SLC35D1: variants seen among roughly 807,000 people sequenced by gnomAD.
The protein encoded by SLC35D1 is nucleotide sugar transporter SLC35D1.
A neutral mutation model predicts 46.7 loss-of-function variants in SLC35D1; 31 were observed. That is an observed-to-expected ratio of 0.66 (90% CI 0.50 to 0.90). The LOEUF is 0.90. SLC35D1 is among the 40% of genes least tolerant of loss of function. SLC35D1 has a pLI of 0.00. For synonymous variants in SLC35D1, 195 were observed against 164.6 expected (o/e 1.18, Z -1.41); for missense variants, 397 against 426.2 (o/e 0.93, Z 0.60).
At chr1:67,035,071 G>A (rs1191654196) in intron 8 of SLC35D1, among the ~76,000 whole-genome samples, 4 of 152,020 alleles carry the variant, frequency 2.6e-5, no homozygotes, top group African/African-American at 9.7e-5. Flanking sequence ...TGGTTTGCTA[G>A]TATTTTTGTT....
intron 10 of SLC35D1, among the ~76,000 whole-genome samples, chr1:67,015,425 T>C (rs1435749466): frequency 6.6e-6 from 1 of 152,118 alleles, no homozygotes; most frequent in African/African-American, 2.4e-5. Flanking sequence ...GATCTCACTC[T>C]GTTGCCCAGG....
At chr1:66,983,797 G>T in the SLC35D1 span, among the ~76,000 whole-genome samples, 23 of 152,024 alleles carry the variant, frequency 1.5e-4, no homozygotes, top group Admixed American at 9.2e-4. Context: ...GCACAATCTC[G>T]GCTCACTGCA....
intron 10 of SLC35D1, among the ~76,000 whole-genome samples, chr1:67,012,043 C>T (rs1324690211): frequency 2.6e-5 from 4 of 152,190 alleles, no homozygotes; most frequent in Non-Finnish European, 5.9e-5. Context: ...CTCTTGGTCT[C>T]TGCCATCTGG....
intron 7 of SLC35D1, among the ~76,000 whole-genome samples, chr1:67,046,739 T>C (rs932317560): frequency 2.0e-5 from 3 of 152,196 alleles, no homozygotes; most frequent in Non-Finnish European, 4.4e-5. Flanking sequence ...ATTTAAAGTA[T>C]ATAGTAAACA....
intron 7 of SLC35D1, among the ~76,000 whole-genome samples, chr1:67,046,848 G>A (rs1645257109): frequency 1.3e-5 from 2 of 152,094 alleles, no homozygotes. Flanking sequence ...ATTATTTATA[G>A]GGCAAATACA....
chr1:67,051,140 T>C (rs1434439643), intron 4 of SLC35D1, among the ~76,000 whole-genome samples: 1 of 152,130 alleles, frequency 6.6e-6, no homozygotes, highest in African/African-American at 2.4e-5. Context: ...TGGTGGGTAA[T>C]GAAATGGAAA....
chr1:66,994,636 T>C (rs893477051), downstream of SLC35D1, among the ~76,000 whole-genome samples: 6 of 145,100 alleles, frequency 4.1e-5, no homozygotes, highest in East Asian at 7.8e-4. Flanking sequence ...AGAGCGAGAC[T>C]CTGTCTCAAA....
chr1:66,985,837 TA>T, the SLC35D1 span: 152 of 630,244 alleles, frequency 2.4e-4, no homozygotes, highest in African/African-American at 4.7e-4. Flanking sequence ...TTTTTTTTTT[TA>T]AATTTCTACT....
intron 7 of SLC35D1, among the ~76,000 whole-genome samples, chr1:67,046,804 G>C (rs1645256699): frequency 6.6e-6 from 1 of 152,166 alleles, no homozygotes; most frequent in Non-Finnish European, 1.5e-5. Flanking sequence ...GCCCCTAAGA[G>C]AGACAGAGAT....
chr1:67,033,201 T>A (rs1300949035), intron 8 of SLC35D1, among the ~76,000 whole-genome samples: 1 of 152,132 alleles, frequency 6.6e-6, no homozygotes, highest in Non-Finnish European at 1.5e-5. Flanking sequence ...AAAATAGGGG[T>A]ATCTCCTCAA....
At chr1:66,985,511 T>C in the SLC35D1 span, 2 of 984,058 alleles carry the variant, frequency 2.0e-6, no homozygotes, top group Non-Finnish European at 2.4e-6. Flanking sequence ...ATCAATGATG[T>C]CTTTCCATAT....
chr1:67,026,995 T>C (rs1328853796), intron 8 of SLC35D1, among the ~76,000 whole-genome samples: 1 of 152,076 alleles, frequency 6.6e-6, no homozygotes, highest in East Asian at 1.9e-4. Flanking sequence ...CCACGACACA[T>C]GGGGAATATG....
chr1:67,039,294 CTA>C (rs1431792830), intron 8 of SLC35D1, among the ~76,000 whole-genome samples: 2 of 152,158 alleles, frequency 1.3e-5, no homozygotes, highest in Non-Finnish European at 2.9e-5. Context: ...TATATAAAAA[CTA>C]TCTTTTCCTT....
the SLC35D1 span, chr1:66,986,529 T>C: frequency 7.6e-7 from 1 of 1,317,286 alleles, no homozygotes; most frequent in Non-Finnish European, 1.1e-6. Flanking sequence ...TGAGTGAAGG[T>C]TTGCACTGAG....
chr1:66,998,711 G>A (rs4582760), downstream of SLC35D1, among the ~76,000 whole-genome samples: 63,914 of 152,018 alleles, frequency 0.42, 15,615 homozygotes, highest in African/African-American at 0.68. Flanking sequence ...CATCAAGGGC[G>A]TTATGCTATG....
At position 67,017,286 on chromosome 1, in the gene SLC35D1, T is replaced by G. The variant is rs112708199; in HGVS notation, c.876+3083A>C. 3.7e-3 allele frequency among the ~76,000 whole-genome samples: 565 copies of G among 152,268 alleles called. 6 individuals are homozygous for G. Among genetic ancestry groups the G allele is most frequent in the African/African-American group, 0.012 (481 of 41,570 alleles). The stretch of plus-strand genomic sequence containing the variant: ...GGGAGACTAGAAGAAAAAAATCATG[T>G]TTCAAATAAAACTATAGCACATCTG... On this transcript the variant is annotated intron_variant, in intron 10 of 11. Coordinates refer to ENST00000235345, the MANE Select transcript of SLC35D1 (RefSeq NM_015139.3).
chr1:66,996,803 C>T (rs1440093553), downstream of SLC35D1, among the ~76,000 whole-genome samples: 1 of 152,100 alleles, frequency 6.6e-6, no homozygotes, highest in East Asian at 1.9e-4. Flanking sequence ...AGACAAGAAG[C>T]TATCAAAAAG....
At chr1:67,038,399 T>C (rs1668167800) in intron 8 of SLC35D1, among the ~76,000 whole-genome samples, 1 of 152,292 alleles carries the variant, frequency 6.6e-6, no homozygotes, top group Admixed American at 6.5e-5. Flanking sequence ...AGTGATATAA[T>C]GGAGACATTA....
chr1:67,020,052 T>A (rs1366482328), intron 10 of SLC35D1, among the ~76,000 whole-genome samples: 3 of 152,080 alleles, frequency 2.0e-5, no homozygotes, highest in Non-Finnish European at 1.5e-5. Flanking sequence ...TCATTAGGGG[T>A]TAAAGGGACA....
Sources: gnomAD v4.1 joint callset for allele counts (sites outside exome capture counted in the v4.1 genomes callset) on GRCh38, gnomAD v4.1.1 for gene constraint, MANE v1.5 for transcripts, NCBI Gene and HGNC (gene_info 2026-07-23, HGNC 2026-07-21) for gene names.